The following DUSP5 variants were observed in gnomAD, a reference collection of about 807,000 sequenced individuals.
DUSP5 encodes the protein dual specificity protein phosphatase 5.
In DUSP5, 22 loss-of-function variants were observed where a neutral mutation model predicts 33.6. The ratio of observed to expected loss-of-function variants is 0.66; its 90% CI spans 0.47 to 0.94. The LOEUF (loss-of-function observed/expected upper bound fraction) is 0.94. DUSP5 is among the 40% of genes least tolerant of loss of function. The pLI, the probability that DUSP5 is intolerant of heterozygous loss-of-function variation, is 0.00. For synonymous variants in DUSP5, 270 were observed against 231.1 expected, an observed-to-expected ratio of 1.17 and a Z score of -1.53; for missense variants, 551 against 522.1, an observed-to-expected ratio of 1.06 and a Z score of -0.54.
intron 1 of DUSP5, 22 bp downstream of exon 1, chr10:110,498,522 C>T: frequency 6.9e-7 from 1 of 1,458,032 alleles, no homozygotes; most frequent in East Asian, 2.8e-5. Flanking sequence ...GGGTCCCTGC[C>T]ACGCTCGCCC....
chr10:110,506,929 A>G lies in DUSP5; in HGVS notation c.529-6A>G. 6.2e-7 allele frequency: 1 copy of G among 1,614,088 alleles called. No homozygotes were observed. Among genetic ancestry groups the G allele is most frequent in the Non-Finnish European group, 8.5e-7 (1 of 1,179,896 alleles). ...TTTCCTGATTGTCCTTTGTCCCTGCATCCAGGGTGGCCCAGTTGAAATCCT... is the reference window on the plus strand; with the variant it reads ...TTTCCTGATTGTCCTTTGTCCCTGCGTCCAGGGTGGCCCAGTTGAAATCCT... On this transcript the variant is annotated splice_polypyrimidine_tract_variant and splice_region_variant and intron_variant, in intron 2 of 3. Coordinates refer to ENST00000369583, the MANE Select transcript of DUSP5 (RefSeq NM_004419.4).
chr10:110,506,838 C>T (rs898197247), intron 2 of DUSP5, 97 bp from the exon 3 acceptor site: 1 of 1,316,904 alleles, frequency 7.6e-7, no homozygotes, highest in Non-Finnish European at 1.1e-6. Context: ...AGGGAACCAC[C>T]CATCTTAAGA....
At position 110,502,926 on chromosome 10, in the gene DUSP5, C is replaced by T; in HGVS notation, c.528+57C>T. On this transcript the variant is annotated intron_variant, in intron 2 of 3. Coordinates refer to ENST00000369583, the MANE Select transcript of DUSP5 (RefSeq NM_004419.4). The stretch of plus-strand genomic sequence containing the variant: ...AGTGGTATTCTGGGCTCCTGTCTCC[C>T]TTCCTTCCTCAGCACCTGACTGTTC... 4 of 1,602,560 alleles carry T rather than the reference C, an allele frequency of 2.5e-6. No individual in the cohort carries two copies. In the South Asian group the frequency reaches 4.5e-5, roughly 18 times the overall value.
rs571858703 is a variant in DUSP5, at chr10:110,503,233, G to C, written c.528+364G>C. On this transcript the variant is annotated intron_variant, in intron 2 of 3. Coordinates refer to ENST00000369583, the MANE Select transcript of DUSP5 (RefSeq NM_004419.4). ...GTTTCCCTGAAGACATTTCAGAGTT[G>C]ACTTTCAGGCTTCCTGTGTTGCTTT... is the stretch of plus-strand genomic sequence containing the variant. Among the ~76,000 whole-genome samples the C allele has an allele frequency of 3.3e-5, 5 of 152,342 alleles. No homozygotes were observed. The South Asian group carries it at 1.0e-3, about 32-fold the overall frequency.
intron 1 of DUSP5, among the ~76,000 whole-genome samples, chr10:110,499,420 G>A (rs779265336): frequency 6.6e-6 from 1 of 152,196 alleles, no homozygotes. Flanking sequence ...ATGACACCCG[G>A]GGAGACCTGA....
rs1296658680 is a variant in DUSP5, at chr10:110,511,399, T to C, written c.*973T>C. 2.0e-5 allele frequency: 3 copies of C among 152,648 alleles called. No individual in the cohort carries two copies. Among genetic ancestry groups the C allele is most frequent in the Non-Finnish European group, 2.9e-5 (2 of 68,038 alleles). 9.5% of individuals were successfully genotyped at this position (152,648 alleles called of 1,614,324 possible). A position where few individuals can be genotyped will look rare whatever the true frequency, so the allele number is the denominator to read the frequency against. On this transcript the variant is annotated 3_prime_UTR_variant, in exon 4 of 4. Transcript: ENST00000369583. Reference sequence around the variant, plus strand: ...CAACGTGGTACTACTTTTTTTTTCTTTTTGTCTGTTAGTTATTTCTCCAGG... The same window carrying C: ...CAACGTGGTACTACTTTTTTTTTCTCTTTGTCTGTTAGTTATTTCTCCAGG...
In DUSP5 at chr10:110,511,530, A is replaced by G. The variant is rs3750811; in HGVS notation, c.*1104A>G. On this transcript the variant is annotated 3_prime_UTR_variant, in exon 4 of 4. Transcript: ENST00000369583. Reference sequence around the variant, plus strand: ...TTTTATAGTGTAAAATAAAAATAGTAAAAGGAGAAAAGCACTTCTTCATGT... The same window carrying G: ...TTTTATAGTGTAAAATAAAAATAGTGAAAGGAGAAAAGCACTTCTTCATGT... 0.3 allele frequency: 46,246 copies of G among 152,536 alleles called. 7,117 individuals carry two copies. The highest frequency in any genetic ancestry group is 0.34 in the East Asian group (1,751 of 5,180). 9.4% of individuals were successfully genotyped at this position (152,536 alleles called of 1,614,324 possible).
intron 1 of DUSP5, among the ~76,000 whole-genome samples, chr10:110,501,263 C>T (rs1212133354): frequency 1.3e-5 from 2 of 152,180 alleles, no homozygotes; most frequent in East Asian, 1.9e-4. Context: ...AGCTAAGCTG[C>T]CTATAGCACC....
intron 2 of DUSP5, among the ~76,000 whole-genome samples, chr10:110,503,880 G>C (rs1197778426): frequency 6.6e-6 from 1 of 152,202 alleles, no homozygotes; most frequent in African/African-American, 2.4e-5. Context: ...ATCATAAGAA[G>C]AAAGATTGCT....
In DUSP5 at chr10:110,506,999, A is replaced by C; in HGVS notation, c.593A>C (p.Glu198Ala). ...LGSAYHASKC[E>A]FLANLHITAL... ...AGTGCCTACCATGCATCCAAGTGCG[A>C]GTTCCTCGCCAACCTGCACATCACA... Residue 198 changes from glutamate (E) to alanine (A), a missense_variant, in exon 3 of 4, where the codon GAG becomes GCG. Glu to Ala is a moderately radical substitution (Grantham distance 107). This residue lies in a region of DUSP5 where 381 missense variants were observed against 310.4 expected (regional missense o/e 1.23). Coordinates refer to ENST00000369583, the MANE Select transcript of DUSP5 (RefSeq NM_004419.4). The C allele has an allele frequency of 1.4e-5, 22 of 1,614,254 alleles. No homozygotes were observed. Among genetic ancestry groups the C allele is most frequent in the Non-Finnish European group, 1.9e-5 (22 of 1,180,046 alleles).
intron 3 of DUSP5, among the ~76,000 whole-genome samples, chr10:110,509,589 T>C (rs549179516): frequency 6.6e-6 from 1 of 152,276 alleles, no homozygotes; most frequent in East Asian, 1.9e-4. Flanking sequence ...GATGCTCTCC[T>C]TAGAAAAATG....
intron 1 of DUSP5, among the ~76,000 whole-genome samples, chr10:110,502,403 T>A (rs1860064787): frequency 6.6e-6 from 1 of 152,252 alleles, no homozygotes; most frequent in South Asian, 2.1e-4. Context: ...AAATAGCCTT[T>A]GTTTTCTGGA....
chr10:110,498,193 G>C lies in DUSP5; in HGVS notation c.72G>C (p.Val24=). Residue 24 remains valine, a synonymous_variant, in exon 1 of 4, where the codon GTG becomes GTC. Coordinates refer to ENST00000369583, the MANE Select transcript of DUSP5 (RefSeq NM_004419.4). ...GCAAGGAGGCGGCGGCGCGCTGCGT[G>C]GTGCTCGACTGCCGGCCCTATCTGG... ...MLRKEAAARC[V]VLDCRPYLAF... The C allele has an allele frequency of 6.7e-7, 1 of 1,501,708 alleles. No individual in the cohort carries two copies. Among genetic ancestry groups the C allele is most frequent in the Non-Finnish European group, 8.9e-7 (1 of 1,125,040 alleles). 93.0% of individuals were successfully genotyped at this position (1,501,708 alleles called of 1,614,324 possible).
At position 110,498,512 on chromosome 10, in the gene DUSP5, G is replaced by A; in HGVS notation, c.379+12G>A. 6.7e-7 allele frequency: 1 copy of A among 1,492,004 alleles called. No homozygotes were observed. The highest frequency in any genetic ancestry group is 2.2e-4 in the Middle Eastern group (1 of 4,548). 92.4% of individuals were successfully genotyped at this position (1,492,004 alleles called of 1,614,324 possible). On this transcript the variant is annotated intron_variant, in intron 1 of 3. Transcript: ENST00000369583. ...CTACTTCCTCAAAGGTGAGCGCTCG[G>A]GGTCCCTGCCACGCTCGCCCCTCCG...
intron 1 of DUSP5, 151 bp from the exon 2 acceptor site, chr10:110,502,570 T>C: frequency 1.2e-6 from 1 of 863,196 alleles, no homozygotes; most frequent in Non-Finnish European, 1.7e-6. Flanking sequence ...TGTTTGCTGG[T>C]TTTGCTCAAT....
chr10:110,499,674 G>A (rs1447731191), intron 1 of DUSP5, among the ~76,000 whole-genome samples: 3 of 152,226 alleles, frequency 2.0e-5, no homozygotes, highest in Non-Finnish European at 4.4e-5. Context: ...TTGATTTCCT[G>A]TTGGAGAGTT....
chr10:110,502,983 T>C (rs1860075150), intron 2 of DUSP5, 114 bp downstream of exon 2: 5 of 1,426,192 alleles, frequency 3.5e-6, no homozygotes, highest in African/African-American at 1.4e-5. Flanking sequence ...GTTAGTTCTT[T>C]TGTGGATCAG....
At chr10:110,509,834 G>T (rs1860164092) in intron 3 of DUSP5, among the ~76,000 whole-genome samples, 186 bp from the exon 4 acceptor site, 1 of 152,146 alleles carries the variant, frequency 6.6e-6, no homozygotes, top group Non-Finnish European at 1.5e-5. Context: ...GTCTTTGCTG[G>T]GACCCCAAAA....
At position 110,502,670 on chromosome 10, in the gene DUSP5, G is replaced by A. The variant is rs80211483; in HGVS notation, c.380-51G>A. 982 of 1,594,264 alleles carry A rather than the reference G, an allele frequency of 6.2e-4. 16 individuals carry two copies. In the East Asian group the frequency reaches 0.021, roughly 34 times the overall value. On this transcript the variant is annotated intron_variant, in intron 1 of 3. Transcript: ENST00000369583. ...ATTAACTATGGGTATTTTTGACAGCGTGAGAAATTGATGCTTACCATCTGT... is the reference window on the plus strand; with the variant it reads ...ATTAACTATGGGTATTTTTGACAGCATGAGAAATTGATGCTTACCATCTGT...
Sources: allele counts gnomAD v4.1 joint callset (sites outside exome capture counted in the v4.1 genomes callset), GRCh38; gene constraint gnomAD v4.1.1; regional missense constraint gnomAD v4.1.1; transcripts MANE v1.5; gene names NCBI Gene and HGNC (gene_info 2026-07-23, HGNC 2026-07-21).